Variants in RICTOR observed in about 807,000 individuals in gnomAD.
The protein encoded by RICTOR is RPTOR independent companion of MTOR complex 2, also known as rapamycin-insensitive companion of mTOR.
In RICTOR, 49 loss-of-function variants were observed where a neutral mutation model predicts 214.9. That is an observed-to-expected ratio of 0.23 (90% CI 0.18 to 0.29). The LOEUF is 0.29. RICTOR is among the 10% of genes least tolerant of loss of function. The probability of loss-of-function intolerance (pLI) is 1.00; values close to 1 mark genes in which losing one functional copy is unlikely to be tolerated. For missense variants in RICTOR, 1,625 were observed against 2,047.0 expected, an observed-to-expected ratio of 0.79 and a Z score of 3.98; for synonymous variants, 717 against 711.3, an observed-to-expected ratio of 1.01 and a Z score of -0.13.
intron 7 of RICTOR, among the ~76,000 whole-genome samples, chr5:38,983,058 A>T (rs1751854673): frequency 6.6e-6 from 1 of 152,126 alleles, no homozygotes; most frequent in Admixed American, 6.5e-5. Flanking sequence ...CACTCAACAC[A>T]CAGAACTCTC....
At chr5:39,039,998 C>G (rs1757046259) in intron 2 of RICTOR, among the ~76,000 whole-genome samples, 1 of 152,034 alleles carries the variant, frequency 6.6e-6, no homozygotes, top group South Asian at 2.1e-4. Flanking sequence ...AATCATGGTG[C>G]TATAAAGACA....
chr5:38,989,354 C>T (rs1267717481), intron 7 of RICTOR, among the ~76,000 whole-genome samples: 1 of 152,136 alleles, frequency 6.6e-6, no homozygotes, highest in Non-Finnish European at 1.5e-5. Flanking sequence ...ACACCTTACA[C>T]AAGAATTAAC....
rs188888839 is a variant in RICTOR, at chr5:38,994,010, G to A, written c.456+2809C>T. Among the ~76,000 whole-genome samples, 336 of 152,088 alleles carry A rather than the reference G, an allele frequency of 2.2e-3. 2 individuals carry two copies. Among genetic ancestry groups the A allele is most frequent in the Middle Eastern group, 0.01 (3 of 294 alleles). ...ATCCTGGTTAACACGGTGAAACCGCGTCTCTACTAAAAATAAAATAAAATA... is the reference window on the plus strand; with the variant it reads ...ATCCTGGTTAACACGGTGAAACCGCATCTCTACTAAAAATAAAATAAAATA... On this transcript the variant is annotated intron_variant, in intron 6 of 37. Coordinates refer to ENST00000357387, the MANE Select transcript of RICTOR (RefSeq NM_152756.5).
At chr5:38,953,306 A>C (rs1173242693) in intron 28 of RICTOR, among the ~76,000 whole-genome samples, 155 bp downstream of exon 28, 1 of 151,920 alleles carries the variant, frequency 6.6e-6, no homozygotes, top group Non-Finnish European at 1.5e-5. Context: ...TCTTCAACAT[A>C]GAGATAATAC....
intron 10 of RICTOR, among the ~76,000 whole-genome samples, chr5:38,972,260 G>A (rs1427503024): frequency 6.6e-6 from 1 of 152,088 alleles, no homozygotes; most frequent in Non-Finnish European, 1.5e-5. Flanking sequence ...GTAAGAACAC[G>A]GGAGAAAAAT....
At chr5:38,952,616 C>T (rs1349255843) in intron 29 of RICTOR, among the ~76,000 whole-genome samples, 191 bp from the exon 30 acceptor site, 2 of 151,298 alleles carry the variant, frequency 1.3e-5, no homozygotes, top group African/African-American at 4.8e-5. Flanking sequence ...ACAAGCAAAC[C>T]TTCCCAATAA....
chr5:39,058,816 C>G (rs1758356323), intron 2 of RICTOR, among the ~76,000 whole-genome samples: 1 of 152,084 alleles, frequency 6.6e-6, no homozygotes, highest in East Asian at 1.9e-4. Context: ...AAAACTTCTA[C>G]TAGATTACAA....
intron 5 of RICTOR, among the ~76,000 whole-genome samples, chr5:38,997,444 T>C (rs909257599): frequency 3.3e-5 from 5 of 152,214 alleles, no homozygotes; most frequent in Non-Finnish European, 7.3e-5. Context: ...AAGTCTTTTA[T>C]GTAGAAGCAT....
chr5:39,074,021 C>A lies in RICTOR; in HGVS notation c.97+90G>T, dbSNP rs1041035362. On this transcript the variant is annotated intron_variant, in intron 2 of 37. Coordinates refer to ENST00000357387, the MANE Select transcript of RICTOR (RefSeq NM_152756.5). ...GCCCCCGCACCCCGCCGGTCCCGTG[C>A]GGGGCCCGCCCCTGCCTCTGGCCCC... 6.3e-6 allele frequency: 6 copies of A among 955,564 alleles called. No homozygotes were observed. The African/African-American group carries it at 8.8e-5, about 14-fold the overall frequency. 59.2% of individuals were successfully genotyped at this position (955,564 alleles called of 1,614,324 possible).
At chr5:39,064,669 T>C (rs892192595) in intron 2 of RICTOR, among the ~76,000 whole-genome samples, 2 of 152,204 alleles carry the variant, frequency 1.3e-5, no homozygotes, top group Non-Finnish European at 2.9e-5. Flanking sequence ...AGCAAGTCAC[T>C]GCAGGTGGAT....
intron 16 of RICTOR, among the ~76,000 whole-genome samples, chr5:38,963,804 T>C (rs1210916520): frequency 6.6e-6 from 1 of 151,888 alleles, no homozygotes; most frequent in Non-Finnish European, 1.5e-5. Context: ...CTATCAGGTA[T>C]TGGGAAAGTA....
intron 29 of RICTOR, among the ~76,000 whole-genome samples, 181 bp downstream of exon 29, chr5:38,952,804 T>C (rs749405934): frequency 5.3e-5 from 8 of 152,006 alleles, no homozygotes; most frequent in Non-Finnish European, 1.0e-4. Context: ...AATCAAATTA[T>C]AGTAGTAAAC....
At chr5:39,011,532 T>G (rs1320164364) in intron 3 of RICTOR, among the ~76,000 whole-genome samples, 1 of 151,832 alleles carries the variant, frequency 6.6e-6, no homozygotes, top group Non-Finnish European at 1.5e-5. Context: ...ACTGGGCGCC[T>G]GGAAAAGCCA....
intron 3 of RICTOR, among the ~76,000 whole-genome samples, chr5:39,012,108 A>C (rs1754568873): frequency 6.6e-6 from 1 of 152,192 alleles, no homozygotes; most frequent in South Asian, 2.1e-4. Flanking sequence ...AAATACTTGA[A>C]TCATGGGGGT....
At chr5:38,955,895 C>T (rs1749220061) in intron 25 of RICTOR, among the ~76,000 whole-genome samples, 191 bp from the exon 26 acceptor site, 1 of 151,946 alleles carries the variant, frequency 6.6e-6, no homozygotes. Context: ...TGCCATTTTC[C>T]TCACAAATCT....
At chr5:39,020,792 T>C (rs1341150376) in intron 3 of RICTOR, among the ~76,000 whole-genome samples, 2 of 152,216 alleles carry the variant, frequency 1.3e-5, no homozygotes, top group African/African-American at 2.4e-5. Flanking sequence ...AAGGTTGAAC[T>C]GTAAATTTCT....
In RICTOR at chr5:38,947,926, T is replaced by C. The variant is rs528664456; in HGVS notation, c.4137-485A>G. Among the ~76,000 whole-genome samples, 10 of 152,246 alleles carry C rather than the reference T, an allele frequency of 6.6e-5. No individual in the cohort carries two copies. The South Asian group carries it at 1.9e-3, about 28-fold the overall frequency. The stretch of plus-strand genomic sequence containing the variant: ...TACCTTAATGCCTTCATTATCAACA[T>C]AAGATTTATGTAGCACACAAGACAG... On this transcript the variant is annotated intron_variant, in intron 31 of 37. Transcript: ENST00000357387.
At chr5:38,983,618 G>A (rs1751905385) in intron 7 of RICTOR, among the ~76,000 whole-genome samples, 1 of 152,042 alleles carries the variant, frequency 6.6e-6, no homozygotes, top group African/African-American at 2.4e-5. Flanking sequence ...ATGTATCTAG[G>A]CATATGTGTA....
chr5:39,074,295 G>A, intron 1 of RICTOR, 34 bp downstream of exon 1: 1 of 1,560,662 alleles, frequency 6.4e-7, no homozygotes, highest in African/African-American at 1.4e-5. Flanking sequence ...GGCGGGCGCC[G>A]GGCGGTGGGG....
Sources: gnomAD v4.1 joint callset for allele counts (sites outside exome capture counted in the v4.1 genomes callset) on GRCh38, gnomAD v4.1.1 for gene constraint, MANE v1.5 for transcripts, NCBI Gene and HGNC (gene_info 2026-07-23, HGNC 2026-07-21) for gene names.